MGST1: variants seen among roughly 807,000 people sequenced by gnomAD.
MGST1 encodes the protein microsomal glutathione S-transferase 1, also known as glutathione S-transferase 12.
Under a neutral mutation model 8.9 loss-of-function variants are expected in MGST1, and 5 were observed. The ratio of observed to expected loss-of-function variants is 0.56; its 90% CI spans 0.29 to 1.19. The LOEUF is 1.19. MGST1 is among the 50% of genes most tolerant of loss of function. MGST1 has a pLI of 0.08. For missense variants in MGST1, 182 were observed against 187.4 expected (o/e 0.97, Z 0.17); for synonymous variants, 54 against 67.8 (o/e 0.80, Z 1.00).
intron 4 of MGST1, among the ~76,000 whole-genome samples, chr12:16,561,025 CAT>C (rs1942385353): frequency 6.6e-6 from 1 of 152,046 alleles, no homozygotes; most frequent in Non-Finnish European, 1.5e-5. Context: ...AGTCAAAAAA[CAT>C]AGAGGCGCAT....
chr12:16,426,115 T>C (rs1001087051), intron 1 of MGST1, among the ~76,000 whole-genome samples: 3 of 152,298 alleles, frequency 2.0e-5, no homozygotes, highest in Admixed American at 2.0e-4. Context: ...CGGATCACTT[T>C]ATACCCTGCT....
intron 4 of MGST1, chr12:16,551,427 C>G (rs1941985906): frequency 2.8e-6 from 2 of 709,648 alleles, no homozygotes; most frequent in Admixed American, 4.6e-5. Flanking sequence ...CATGGTAATT[C>G]CCTGAATCTG....
chr12:16,420,659 A>G (rs1285759012), intron 1 of MGST1, among the ~76,000 whole-genome samples: 3 of 152,120 alleles, frequency 2.0e-5, no homozygotes, highest in Non-Finnish European at 4.4e-5. Flanking sequence ...CTTCAGAGCT[A>G]GACCTTTCTT....
intron 4 of MGST1, among the ~76,000 whole-genome samples, chr12:16,485,194 T>G (rs1941392157): frequency 6.6e-6 from 1 of 152,248 alleles, no homozygotes; most frequent in African/African-American, 2.4e-5. Flanking sequence ...CTTGTACCTC[T>G]TTGACAGCTT....
At chr12:16,516,049 A>T (rs1205033696) in intron 4 of MGST1, among the ~76,000 whole-genome samples, 1 of 152,202 alleles carries the variant, frequency 6.6e-6, no homozygotes, top group Non-Finnish European at 1.5e-5. Context: ...GCCCTGCAAA[A>T]AAAGAGAATT....
At chr12:16,531,329 GA>G (rs1446013482) in intron 4 of MGST1, among the ~76,000 whole-genome samples, 1 of 151,986 alleles carries the variant, frequency 6.6e-6, no homozygotes, top group Non-Finnish European at 1.5e-5. Context: ...GACAAACTAG[GA>G]AAAGTTAACA....
intron 1 of MGST1, among the ~76,000 whole-genome samples, chr12:16,435,025 C>T (rs950802699): frequency 6.6e-6 from 1 of 151,862 alleles, no homozygotes; most frequent in Non-Finnish European, 1.5e-5. Context: ...TTAAATTTAT[C>T]TCATAAGAAT....
intron 4 of MGST1, among the ~76,000 whole-genome samples, chr12:16,574,835 A>G (rs186476743): frequency 8.8e-4 from 134 of 152,290 alleles, no homozygotes; most frequent in Non-Finnish European, 9.4e-4. Context: ...GGGAAACAGA[A>G]GTATAGAGAG....
At chr12:16,462,457 A>C (rs1182855661) in intron 4 of MGST1, among the ~76,000 whole-genome samples, 1 of 152,176 alleles carries the variant, frequency 6.6e-6, no homozygotes, top group Non-Finnish European at 1.5e-5. Flanking sequence ...TAAAATAAAT[A>C]GTACATCAAT....
At chr12:16,419,478 A>G (rs1940815552) in intron 1 of MGST1, among the ~76,000 whole-genome samples, 3 of 152,162 alleles carry the variant, frequency 2.0e-5, no homozygotes, top group Admixed American at 2.0e-4. Flanking sequence ...TTCCTTCAGA[A>G]AAAAGGAAAA....
At chr12:16,425,763 G>T (rs1271929636) in intron 1 of MGST1, among the ~76,000 whole-genome samples, 1 of 152,078 alleles carries the variant, frequency 6.6e-6, no homozygotes, top group Middle Eastern at 3.4e-3. Context: ...TGCCCCACTG[G>T]GCATTTCCTT....
At position 16,462,549 on chromosome 12, in the gene MGST1, C is replaced by T. The variant is rs35832575; in HGVS notation, n.482+78945C>T. On this transcript the variant is annotated intron_variant and non_coding_transcript_variant, in intron 4 of 4. Transcript: ENST00000538857. ...AAGGTTCATTAAAAGATGCACTTTA[C>T]CCCCCCAAAAAAAACTAGGAAAAAC... Among the ~76,000 whole-genome samples, 82 of 101,860 alleles carry T rather than the reference C, an allele frequency of 8.1e-4. No homozygotes were observed. The East Asian group carries it at 0.02, about 25-fold the overall frequency. 66.8% of individuals were successfully genotyped at this position (101,860 alleles called of 152,430 possible).
chr12:16,492,763 G>T (rs1202077345), intron 4 of MGST1, among the ~76,000 whole-genome samples: 1 of 152,148 alleles, frequency 6.6e-6, no homozygotes, highest in Non-Finnish European at 1.5e-5. Context: ...AGGTCCCAAG[G>T]TTGGAGTCTG....
intron 4 of MGST1, among the ~76,000 whole-genome samples, chr12:16,580,230 A>T (rs1350182154): frequency 6.6e-6 from 1 of 152,118 alleles, no homozygotes; most frequent in Non-Finnish European, 1.5e-5. Flanking sequence ...TCTCCCTAGT[A>T]GCTTAGACTA....
intron 4 of MGST1, among the ~76,000 whole-genome samples, chr12:16,554,913 C>T (rs547072765): frequency 2.0e-5 from 3 of 152,184 alleles, no homozygotes; most frequent in East Asian, 1.9e-4. Context: ...CCGCCCGCCT[C>T]GGCCTCCCAA....
intron 4 of MGST1, among the ~76,000 whole-genome samples, chr12:16,541,608 G>C (rs1941793920): frequency 6.6e-6 from 1 of 152,052 alleles, no homozygotes; most frequent in Non-Finnish European, 1.5e-5. Context: ...AGTTAGGGTA[G>C]AGTTTTGGGA....
intron 4 of MGST1, among the ~76,000 whole-genome samples, chr12:16,568,554 C>G (rs974784734): frequency 2.0e-5 from 3 of 152,074 alleles, no homozygotes; most frequent in African/African-American, 7.2e-5. Flanking sequence ...TTGAGATGCT[C>G]TAAGTGGGGC....
At chr12:16,382,206 G>T (rs547135643), upstream of MGST1, among the ~76,000 whole-genome samples, 1 of 152,158 alleles carries the variant, frequency 6.6e-6, no homozygotes, top group South Asian at 2.1e-4. Context: ...TTGAGGAGGA[G>T]AGGCGCTCTG....
rs193227859 is a variant in MGST1 at position 16,544,645 on chromosome 12, A to G, written n.483-44883A>G. On this transcript the variant is annotated intron_variant and non_coding_transcript_variant, in intron 4 of 4. Coordinates refer to the MGST1 transcript ENST00000538857. This position sits in a 1 kb window ranked among gnomAD's most constrained non-coding sequence, Gnocchi z 4.8. ...CAAATATCTAACAGGAAATTTGACTACATAGGTTCAAGTCCTTATTTCTGA... is the reference window on the plus strand; with the variant it reads ...CAAATATCTAACAGGAAATTTGACTGCATAGGTTCAAGTCCTTATTTCTGA... Among the ~76,000 whole-genome samples, 83 of 152,218 alleles carry G rather than the reference A, an allele frequency of 5.5e-4. No homozygotes were observed. Among genetic ancestry groups the G allele is most frequent in the African/African-American group, 2.0e-3 (83 of 41,554 alleles).
Sources: allele counts gnomAD v4.1 joint callset (sites outside exome capture counted in the v4.1 genomes callset), GRCh38; gene constraint gnomAD v4.1.1; non-coding constraint Gnocchi (gnomAD v3.1); transcripts MANE v1.5; gene names NCBI Gene and HGNC (gene_info 2026-07-23, HGNC 2026-07-21).